MED8: variants seen among roughly 807,000 people sequenced by gnomAD.
MED8 encodes the protein mediator of RNA polymerase II transcription subunit 8.
A neutral mutation model predicts 34.8 loss-of-function variants in MED8; 22 were observed. That is an observed-to-expected ratio of 0.63 (90% CI 0.45 to 0.90). The LOEUF is 0.90. Among genes scored for constraint, MED8 ranks in the 40% least tolerant of loss-of-function variants. The pLI, the probability that MED8 is intolerant of heterozygous loss-of-function variation, is 0.00. For missense variants in MED8, 260 were observed against 326.3 expected (o/e 0.80, Z 1.57); for synonymous variants, 105 against 120.2 (o/e 0.87, Z 0.83).
At chr1:43,389,376 T>C (rs1000070970) in intron 1 of MED8, among the ~76,000 whole-genome samples, 1 of 152,146 alleles carries the variant, frequency 6.6e-6, no homozygotes, top group Non-Finnish European at 1.5e-5. Context: ...TTAGATCCCC[T>C]GCTATATCGG....
intron 6 of MED8, chr1:43,385,400 CT>C (rs1409669264): frequency 5.9e-6 from 2 of 337,668 alleles, no homozygotes; most frequent in Admixed American, 4.6e-5. Flanking sequence ...ACTATGTTCT[CT>C]CATTGTTTTT....
chr1:43,384,976 A>AG lies in MED8; in HGVS notation c.*65dup. ...ATTGTACCCATCTAGGTGAGCCTTG[A>AG]GCAAAAGGTAATTTCACTGCCCAAC... On this transcript the variant is annotated 3_prime_UTR_variant, in exon 7 of 7. Transcript: ENST00000372457. 2 of 1,527,554 alleles carry AG rather than the reference A, an allele frequency of 1.3e-6. No individual in the cohort carries two copies. The highest frequency in any genetic ancestry group is 1.8e-6 in the Non-Finnish European group (2 of 1,137,948). 94.6% of individuals were successfully genotyped at this position (1,527,554 alleles called of 1,614,324 possible).
chr1:43,386,871 G>A lies in MED8; in HGVS notation c.398C>T (p.Ala133Val), dbSNP rs975404042. 6 of 1,614,018 alleles carry A rather than the reference G, an allele frequency of 3.7e-6. No homozygotes were observed. Among genetic ancestry groups the A allele is most frequent in the Non-Finnish European group, 5.1e-6 (6 of 1,179,888 alleles). The change falls in exon 4 of 7, where the codon GCA becomes GTA. Residue 133 changes from alanine (A) to valine (V), a missense_variant. Coordinates refer to ENST00000372457, the MANE Select transcript of MED8 (RefSeq NM_201542.5). This position sits in a 1 kb window ranked among gnomAD's most constrained non-coding sequence, Gnocchi z 4.9. ...ACTCAGTCCAACCTGGGCTGCATCT[G>A]CACCAATGCGGGCAGCATCTGTCGT... ...QLTTDAARIG[A>V]DAAQKQIQSL...
chr1:43,385,819 T>C (rs1042397902), intron 6 of MED8, 159 bp downstream of exon 6: 2 of 1,164,838 alleles, frequency 1.7e-6, no homozygotes, highest in Admixed American at 2.3e-5. Flanking sequence ...GAGTCTCAGA[T>C]GAGATTTTTT....
chr1:43,385,982 T>C lies in MED8; in HGVS notation c.738A>G (p.Gln246=). The C allele has an allele frequency of 6.2e-7, 1 of 1,614,024 alleles. No individual in the cohort carries two copies. Among genetic ancestry groups the C allele is most frequent in the South Asian group, 1.1e-5 (1 of 91,084 alleles). ...TTTCAACCCCTGCCACCTTACCTGG[T>C]TGACCTGCCTGAGCCATTTGTACCC... The part of the protein sequence containing the change: ...LSGVQMAQAG[Q]PGKMPSGIKT... Residue 246 remains glutamine (Q), a synonymous_variant, in exon 6 of 7, where the codon CAA becomes CAG. Coordinates refer to ENST00000372457, the MANE Select transcript of MED8 (RefSeq NM_201542.5).
intron 6 of MED8, 95 bp downstream of exon 6, chr1:43,385,883 C>G: frequency 6.5e-7 from 1 of 1,532,782 alleles, no homozygotes; most frequent in African/African-American, 1.4e-5. Context: ...TAGAGAAAAC[C>G]TCTAGGTCTA....
intron 6 of MED8, 92 bp downstream of exon 6, chr1:43,385,886 T>G: frequency 6.5e-7 from 1 of 1,537,110 alleles, no homozygotes; most frequent in Non-Finnish European, 8.8e-7. Context: ...AGAAAACCTC[T>G]AGGTCTAGAG....
chr1:43,387,657 G>A lies in MED8; in HGVS notation c.126-10C>T, dbSNP rs773751834. 1 of 1,613,728 alleles carries A rather than the reference G, an allele frequency of 6.2e-7. No individual in the cohort carries two copies. The highest frequency in any genetic ancestry group is 8.5e-7 in the Non-Finnish European group (1 of 1,179,746). On this transcript the variant is annotated splice_polypyrimidine_tract_variant and intron_variant, in intron 2 of 6. Coordinates refer to ENST00000372457, the MANE Select transcript of MED8 (RefSeq NM_201542.5). The stretch of plus-strand genomic sequence containing the variant: ...GTCCAGGACAGATGGCCTGGTGGTG[G>A]TAACAAGGTGTAAGAATGTTGTACC...
Position 43,386,354 on chromosome 1 carries a change from C to A in MED8, c.494-128G>T. On this transcript the variant is annotated intron_variant, in intron 5 of 6. Coordinates refer to ENST00000372457, the MANE Select transcript of MED8 (RefSeq NM_201542.5). This position sits in a 1 kb window ranked among gnomAD's most constrained non-coding sequence, Gnocchi z 4.9. ...CAGCAACATCTAGACTCCCTCACAGCCCAGAAAAAGAGCCAGAGGACCCCC... is the reference window on the plus strand; with the variant it reads ...CAGCAACATCTAGACTCCCTCACAGACCAGAAAAAGAGCCAGAGGACCCCC... The A allele has an allele frequency of 2.3e-6, 3 of 1,281,600 alleles. No homozygotes were observed. Among genetic ancestry groups the A allele is most frequent in the Non-Finnish European group, 3.2e-6 (3 of 951,298 alleles). 79.4% of individuals were successfully genotyped at this position (1,281,600 alleles called of 1,614,324 possible). A position where few individuals can be genotyped will look rare whatever the true frequency, so the allele number is the denominator to read the frequency against.
chr1:43,385,656 AT>A (rs1647701619), intron 6 of MED8: 1 of 343,584 alleles, frequency 2.9e-6, no homozygotes, highest in African/African-American at 2.1e-5. Context: ...CTGACTGCTG[AT>A]TTCTCTACCT....
At chr1:43,387,696 G>A (rs756395896) in intron 2 of MED8, 49 bp from the exon 3 acceptor site, 4 of 1,604,836 alleles carry the variant, frequency 2.5e-6, no homozygotes, top group Non-Finnish European at 3.4e-6. Flanking sequence ...TCCCTGGGTG[G>A]TTCTTAGTAA....
rs1243969044 is a variant in MED8 at position 43,389,797 on chromosome 1, T to G, written c.-33A>C. ...GCCGAGGCGGCTGCCACGATTTCACTTCCGGTTTTCCAGTCAGCAAACGCC... is the reference window on the plus strand; with the variant it reads ...GCCGAGGCGGCTGCCACGATTTCACGTCCGGTTTTCCAGTCAGCAAACGCC... On this transcript the variant is annotated 5_prime_UTR_variant, in exon 1 of 7. Transcript: ENST00000372457. 2 of 1,609,712 alleles carry G rather than the reference T, an allele frequency of 1.2e-6. No homozygotes were observed. Among genetic ancestry groups the G allele is most frequent in the Non-Finnish European group, 1.7e-6 (2 of 1,178,054 alleles).
rs1647753424 is a variant in MED8 at position 43,386,878 on chromosome 1, T to C, written c.391A>G (p.Ile131Val). Residue 131 changes from isoleucine (I) to valine (V), a missense_variant, in exon 4 of 7, where the codon ATT becomes GTT. Coordinates refer to ENST00000372457, the MANE Select transcript of MED8 (RefSeq NM_201542.5). The surrounding 1 kb of genome is among the most constrained non-coding windows in gnomAD (Gnocchi z 4.9). Reference protein sequence around the residue: ...EKQLTTDAARIGADAAQKQIQ... With the variant: ...EKQLTTDAARVGADAAQKQIQ... ...CCAACCTGGGCTGCATCTGCACCAATGCGGGCAGCATCTGTCGTCAGTTGC... is the reference window on the plus strand; with the variant it reads ...CCAACCTGGGCTGCATCTGCACCAACGCGGGCAGCATCTGTCGTCAGTTGC... 1 of 1,614,046 alleles carries C rather than the reference T, an allele frequency of 6.2e-7. No homozygotes were observed. Among genetic ancestry groups the C allele is most frequent in the African/African-American group, 1.3e-5 (1 of 75,054 alleles).
Position 43,385,024 on chromosome 1 carries a change from C to A in MED8, c.*18G>T. 1 of 1,553,676 alleles carries A rather than the reference C, an allele frequency of 6.4e-7. No individual in the cohort carries two copies. Among genetic ancestry groups the A allele is most frequent in the South Asian group, 1.2e-5 (1 of 84,084 alleles). On this transcript the variant is annotated 3_prime_UTR_variant, in exon 7 of 7. Coordinates refer to ENST00000372457, the MANE Select transcript of MED8 (RefSeq NM_201542.5). Reference sequence around the variant, plus strand: ...AACTCTGCAAAGAGCACCAGGGAGTCGAGGTTGCCAGCCACACTCACCGCT... The same window carrying A: ...AACTCTGCAAAGAGCACCAGGGAGTAGAGGTTGCCAGCCACACTCACCGCT...
chr1:43,385,889 G>C, intron 6 of MED8, 89 bp downstream of exon 6: 2 of 1,556,098 alleles, frequency 1.3e-6, no homozygotes, highest in Non-Finnish European at 1.8e-6. Context: ...AAACCTCTAG[G>C]TCTAGAGATG....
intron 2 of MED8, 67 bp from the exon 3 acceptor site, chr1:43,387,714 C>A: frequency 6.4e-7 from 1 of 1,573,798 alleles, no homozygotes; most frequent in South Asian, 1.1e-5. Context: ...TAAAATAGTC[C>A]TAGTTCCTTC....
At chr1:43,389,520 G>A (rs902349608) in intron 1 of MED8, among the ~76,000 whole-genome samples, 6 of 152,038 alleles carry the variant, frequency 3.9e-5, no homozygotes, top group African/African-American at 9.7e-5. Flanking sequence ...AAGCAAACAG[G>A]TGCTGCCTCC....
At position 43,385,975 on chromosome 1, in the gene MED8, T is replaced by A. The variant is rs1647712913; in HGVS notation, c.742+3A>T. The A allele has an allele frequency of 6.2e-7, 1 of 1,613,970 alleles. No homozygotes were observed. Among genetic ancestry groups the A allele is most frequent in the African/African-American group, 1.3e-5 (1 of 75,042 alleles). On this transcript the variant is annotated splice_donor_region_variant and intron_variant, in intron 6 of 6. Coordinates refer to ENST00000372457, the MANE Select transcript of MED8 (RefSeq NM_201542.5). ...AGCTTCATTTCAACCCCTGCCACCT[T>A]ACCTGGTTGACCTGCCTGAGCCATT...
At chr1:43,387,457 A>T (rs749244719) in intron 3 of MED8, 46 bp downstream of exon 3, 9 of 1,599,064 alleles carry the variant, frequency 5.6e-6, no homozygotes, top group Admixed American at 1.8e-5. Context: ...AAAGAAGCCT[A>T]AAAAACCCCT....
Sources: allele counts gnomAD v4.1 joint callset (sites outside exome capture counted in the v4.1 genomes callset), GRCh38; gene constraint gnomAD v4.1.1; non-coding constraint Gnocchi (gnomAD v3.1); transcripts MANE v1.5; gene names NCBI Gene and HGNC (gene_info 2026-07-23, HGNC 2026-07-21).